Variants in SERPINI2 observed in about 807,000 individuals in gnomAD.
The protein encoded by SERPINI2 is serpin family I member 2.
A neutral mutation model predicts 47.3 loss-of-function variants in SERPINI2; 48 were observed. The observed-to-expected ratio is 1.02, with a 90% CI of 0.81 to 1.29. The LOEUF is 1.29. SERPINI2 is among the 50% of genes most tolerant of loss of function. The pLI is 0.00. For synonymous variants in SERPINI2, 135 were observed against 149.3 expected (o/e 0.90, Z 0.70); for missense variants, 448 against 456.9 (o/e 0.98, Z 0.18).
chr3:167,452,958 G>A, exon 6 of SERPINI2: 1 of 1,600,980 alleles, frequency 6.2e-7, no homozygotes. Flanking sequence ...AAAGGTCGCA[G>A]CCACCACTAA....
chr3:167,474,046 A>T lies in SERPINI2; in HGVS notation c.-54T>A, dbSNP rs774380723. On this transcript the variant is annotated 5_prime_UTR_variant, in exon 1 of 9. Coordinates refer to ENST00000264677, the Ensembl canonical transcript of SERPINI2. ...TATTCACTGGAATGTTACAACTAAA[A>T]TACGCTTGCTGGAAAACTCTTGTAC... 14 of 1,059,598 alleles carry T rather than the reference A, an allele frequency of 1.3e-5. No individual in the cohort carries two copies. In the Middle Eastern group the frequency reaches 1.3e-3, roughly 98 times the overall value. 65.6% of individuals were successfully genotyped at this position (1,059,598 alleles called of 1,614,324 possible).
At chr3:167,444,418 A>C (rs1340060235) in intron 8 of SERPINI2, among the ~76,000 whole-genome samples, 1 of 152,170 alleles carries the variant, frequency 6.6e-6, no homozygotes, top group Non-Finnish European at 1.5e-5. Context: ...GCTATGTAAA[A>C]ATTGATTGTA....
intron 2 of SERPINI2, 27 bp downstream of exon 2, chr3:167,471,561 A>G (rs757762698): frequency 1.9e-6 from 3 of 1,607,234 alleles, no homozygotes; most frequent in East Asian, 2.2e-5. Context: ...CTTATCCAGT[A>G]TAAGTAAGGA....
At chr3:167,462,284 A>G (rs1404320428) in intron 5 of SERPINI2, among the ~76,000 whole-genome samples, 2 of 152,226 alleles carry the variant, frequency 1.3e-5, no homozygotes, top group Admixed American at 6.5e-5. Flanking sequence ...CTGCCATAAC[A>G]AAGTACTACA....
exon 7 of SERPINI2, chr3:167,449,333 T>G (rs1443071943): frequency 1.2e-6 from 2 of 1,612,680 alleles, no homozygotes; most frequent in Non-Finnish European, 1.7e-6. Flanking sequence ...TGTTGCAGCT[T>G]CACTACCATC....
At chr3:167,449,577 C>G (rs182528302) in intron 6 of SERPINI2, among the ~76,000 whole-genome samples, 175 bp from the exon 7 acceptor site, 131 of 152,264 alleles carry the variant, frequency 8.6e-4, no homozygotes, top group African/African-American at 2.8e-3. Flanking sequence ...TCACTGCAAC[C>G]TCTGCCTCCC....
At chr3:167,465,359 T>G in exon 5 of SERPINI2, 7 of 1,609,136 alleles carry the variant, frequency 4.4e-6, no homozygotes, top group Non-Finnish European at 5.9e-6. Flanking sequence ...GTAAGACAAT[T>G]CTAAAACTTG....
intron 6 of SERPINI2, 83 bp downstream of exon 6, chr3:167,452,853 C>T (rs1227210165): frequency 2.5e-6 from 2 of 790,452 alleles, no homozygotes; most frequent in East Asian, 2.7e-5. Context: ...GCTGAATGCT[C>T]TTTCAGTTTT....
chr3:167,468,648 G>T (rs922255237), intron 2 of SERPINI2, among the ~76,000 whole-genome samples: 7 of 152,128 alleles, frequency 4.6e-5, no homozygotes, highest in Non-Finnish European at 8.8e-5. Context: ...TAGATCTGAA[G>T]AATTTCAGTA....
chr3:167,442,134 T>G lies in SERPINI2; in HGVS notation c.1193A>C (p.Lys398Thr), dbSNP rs144093247. 3.7e-6 allele frequency: 6 copies of G among 1,603,828 alleles called. No homozygotes were observed. The African/African-American group carries it at 6.7e-5, about 18-fold the overall frequency. The change falls in exon 9 of 9, where the codon AAA (lysine) becomes ACA (threonine). Residue 398 changes from lysine (K) to threonine (T), a missense_variant. Physicochemically the swap from Lys to Thr is moderately conservative, Grantham distance 78 (BLOSUM62 -1). Coordinates refer to ENST00000264677, the Ensembl canonical transcript of SERPINI2. Reference sequence around the variant, plus strand: ...TCACAGTGAATCTAAATCTCTTCCTTTTATCTCCTGGGTGTCAGGATTTGT... The same window carrying G: ...TCACAGTGAATCTAAATCTCTTCCTGTTATCTCCTGGGTGTCAGGATTTGT...
chr3:167,467,149 C>A (rs190236142), exon 3 of SERPINI2: 3 of 1,613,444 alleles, frequency 1.9e-6, no homozygotes, highest in Non-Finnish European at 2.5e-6. Context: ...GAAAAAATTC[C>A]TTGTTGCCAT....
chr3:167,464,298 G>A (rs984590605), intron 5 of SERPINI2, among the ~76,000 whole-genome samples: 3 of 152,144 alleles, frequency 2.0e-5, no homozygotes, highest in Non-Finnish European at 4.4e-5. Flanking sequence ...ACAGTCATGA[G>A]CCACCATGCC....
chr3:167,444,992 T>C (rs1749433440), intron 8 of SERPINI2, among the ~76,000 whole-genome samples: 1 of 152,180 alleles, frequency 6.6e-6, no homozygotes, highest in African/African-American at 2.4e-5. Context: ...CATAATTATA[T>C]ATTAATTGTA....
At chr3:167,466,488 AG>A (rs1190541491) in intron 3 of SERPINI2, among the ~76,000 whole-genome samples, 1 of 152,232 alleles carries the variant, frequency 6.6e-6, no homozygotes, top group Non-Finnish European at 1.5e-5. Context: ...TTTTAAATGG[AG>A]CATAGCTTAT....
In SERPINI2 at chr3:167,446,421, AATGGATGATTTGCT is replaced by A. The variant is rs1429718118; in HGVS notation, c.1098_1111del (p.Ala367SerfsTer7). The stretch of plus-strand genomic sequence containing the variant: ...TGGATTATGCTTCATAATAAACAGA[AATGGATGATTTGCT>A]ATAAATTGGCTTTGAGCCAGACTCA... On this transcript the variant is annotated frameshift_variant, in exon 8 of 9. Coordinates refer to ENST00000264677, the Ensembl canonical transcript of SERPINI2. LOFTEE classifies it high-confidence loss of function. The A allele has an allele frequency of 1.1e-5, 18 of 1,610,062 alleles. No homozygotes were observed. The highest frequency in any genetic ancestry group is 1.5e-5 in the Non-Finnish European group (18 of 1,178,058).
chr3:167,458,426 A>ATT (rs34639120), intron 5 of SERPINI2, among the ~76,000 whole-genome samples: 13,914 of 128,912 alleles, frequency 0.11, 737 homozygotes, highest in Non-Finnish European at 0.13. Context: ...AATTGTTTGT[A>ATT]TTTTTTTTTT....
intron 5 of SERPINI2, among the ~76,000 whole-genome samples, chr3:167,453,657 G>T (rs34987499): frequency 0.094 from 13,667 of 144,736 alleles, 653 homozygotes; most frequent in Non-Finnish European, 0.11. Context: ...TTACAGGAGT[G>T]GGGGGGGGTG....
chr3:167,448,774 G>A (rs574788074), intron 7 of SERPINI2, among the ~76,000 whole-genome samples: 95 of 152,038 alleles, frequency 6.2e-4, no homozygotes, highest in Non-Finnish European at 1.1e-3. Context: ...CACCCGCCTC[G>A]GCCTCCCAAA....
At chr3:167,446,619 A>C (rs1749486820) in intron 7 of SERPINI2, 138 bp from the exon 8 acceptor site, 2 of 502,726 alleles carry the variant, frequency 4.0e-6, no homozygotes, top group Non-Finnish European at 6.9e-6. Flanking sequence ...CCATTTTCTA[A>C]ATACAGAGGA....
Sources: allele counts gnomAD v4.1 joint callset (sites outside exome capture counted in the v4.1 genomes callset), GRCh38; gene constraint gnomAD v4.1.1; transcripts MANE v1.5; gene names NCBI Gene and HGNC (gene_info 2026-07-23, HGNC 2026-07-21).